PIGL: variants seen among roughly 807,000 people sequenced by gnomAD.
The protein encoded by PIGL is N-acetylglucosaminyl-phosphatidylinositol de-N-acetylase.
In PIGL, 22 loss-of-function variants were observed where a neutral mutation model predicts 31.1. The observed-to-expected ratio is 0.71, with a 90% CI of 0.51 to 1.01. The LOEUF (loss-of-function observed/expected upper bound fraction) is 1.01, where lower values mean the gene tolerates loss of function less well. PIGL is among the 50% of genes least tolerant of loss of function. The pLI is 0.00. For missense variants in PIGL, 302 were observed against 315.9 expected (o/e 0.96, Z 0.33); for synonymous variants, 131 against 117.4 (o/e 1.12, Z -0.75).
chr17:16,269,520 A>C (rs1322456263), intron 2 of PIGL, among the ~76,000 whole-genome samples: 1 of 152,030 alleles, frequency 6.6e-6, no homozygotes, highest in Admixed American at 6.6e-5. Context: ...GTGTGTTGGC[A>C]TGTGCCGGTA....
intron 2 of PIGL, among the ~76,000 whole-genome samples, chr17:16,299,542 A>G (rs537667300): frequency 8.5e-4 from 130 of 152,316 alleles, no homozygotes; most frequent in African/African-American, 3.1e-3. Context: ...TTAAAGTACT[A>G]TTACTAATAT....
chr17:16,287,124 T>C (rs1389798123), intron 2 of PIGL, among the ~76,000 whole-genome samples: 1 of 152,182 alleles, frequency 6.6e-6, no homozygotes, highest in Non-Finnish European at 1.5e-5. Context: ...CAGATGCCTT[T>C]CTCCAGCCAT....
At chr17:16,274,647 C>T (rs565780776) in intron 2 of PIGL, among the ~76,000 whole-genome samples, 5 of 151,692 alleles carry the variant, frequency 3.3e-5, no homozygotes, top group African/African-American at 9.7e-5. Flanking sequence ...CGCTTGAACC[C>T]GGGAGGCAGA....
chr17:16,284,817 C>G (rs117501212), intron 2 of PIGL, among the ~76,000 whole-genome samples: 1 of 152,236 alleles, frequency 6.6e-6, no homozygotes, highest in East Asian at 1.9e-4. Flanking sequence ...AATAATACTC[C>G]GGTCTCCATT....
chr17:16,231,393 C>G, intron 1 of PIGL, among the ~76,000 whole-genome samples: 1 of 151,682 alleles, frequency 6.6e-6, no homozygotes, highest in Non-Finnish European at 1.5e-5. Context: ...AGCCACCATG[C>G]CCAGCTAATT....
chr17:16,271,809 C>G (rs917586440), intron 2 of PIGL, among the ~76,000 whole-genome samples: 1 of 152,164 alleles, frequency 6.6e-6, no homozygotes, highest in Non-Finnish European at 1.5e-5. Context: ...GGATTACAGG[C>G]GTGAACCACT....
chr17:16,234,151 T>C, intron 2 of PIGL, 81 bp downstream of exon 2: 1 of 773,776 alleles, frequency 1.3e-6, no homozygotes. Context: ...AAAAAACTAA[T>C]GTGAGTGGCT....
intron 2 of PIGL, among the ~76,000 whole-genome samples, chr17:16,238,992 C>T (rs2092711609): frequency 6.7e-6 from 1 of 149,082 alleles, no homozygotes; most frequent in South Asian, 2.1e-4. Flanking sequence ...ATCCATCCGC[C>T]TTGGCCTCCC....
At chr17:16,263,522 T>C (rs1480684550) in intron 2 of PIGL, among the ~76,000 whole-genome samples, 1 of 151,254 alleles carries the variant, frequency 6.6e-6, no homozygotes, top group Non-Finnish European at 1.5e-5. Context: ...TGTTTAGGTT[T>C]TTTTTTGTTT....
chr17:16,301,955 C>A (rs1220109507), intron 3 of PIGL, among the ~76,000 whole-genome samples: 1 of 152,044 alleles, frequency 6.6e-6, no homozygotes, highest in Non-Finnish European at 1.5e-5. Context: ...CCCTCATTGG[C>A]CTCCCAAAGC....
chr17:16,323,495 A>C (rs2093114462), intron 6 of PIGL, among the ~76,000 whole-genome samples: 1 of 151,778 alleles, frequency 6.6e-6, no homozygotes, highest in Admixed American at 6.6e-5. Context: ...CAACCTCCCA[A>C]AGTGGTGAGA....
chr17:16,303,672 G>A (rs1380080255), intron 3 of PIGL, among the ~76,000 whole-genome samples: 1 of 151,512 alleles, frequency 6.6e-6, no homozygotes, highest in Non-Finnish European at 1.5e-5. Context: ...CTGAGTAGCT[G>A]GGACTACAGG....
At chr17:16,266,522 C>T (rs942423142) in intron 2 of PIGL, among the ~76,000 whole-genome samples, 3 of 152,094 alleles carry the variant, frequency 2.0e-5, no homozygotes, top group Admixed American at 2.0e-4. Context: ...CATCACCAGC[C>T]TCTTATGTTG....
At chr17:16,312,385 T>G (rs1280541494) in intron 3 of PIGL, 1 of 160,194 alleles carries the variant, frequency 6.2e-6, no homozygotes, top group Non-Finnish European at 1.3e-5. Flanking sequence ...GAGGCGCTCC[T>G]CACTTCCTAG....
At chr17:16,291,303 T>C (rs1246880713) in intron 2 of PIGL, among the ~76,000 whole-genome samples, 1 of 151,480 alleles carries the variant, frequency 6.6e-6, no homozygotes, top group Non-Finnish European at 1.5e-5. Flanking sequence ...GGTCGGGAGT[T>C]TGAGAACAGC....
chr17:16,319,139 C>T (rs1292066377), intron 6 of PIGL, among the ~76,000 whole-genome samples: 1 of 137,586 alleles, frequency 7.3e-6, no homozygotes, highest in Non-Finnish European at 1.5e-5. Flanking sequence ...GCAGGAGGAT[C>T]ACTTGAGCCC....
intron 6 of PIGL, among the ~76,000 whole-genome samples, chr17:16,323,643 C>T (rs1338250091): frequency 5.9e-5 from 8 of 134,592 alleles, no homozygotes; most frequent in South Asian, 2.4e-4. Flanking sequence ...GACAGAGTCT[C>T]GCTCTGTTGC....
At chr17:16,278,229 T>C (rs2092903536) in intron 2 of PIGL, among the ~76,000 whole-genome samples, 1 of 152,160 alleles carries the variant, frequency 6.6e-6, no homozygotes, top group Non-Finnish European at 1.5e-5. Flanking sequence ...CTAATTTTTG[T>C]ATTTTTAGTA....
Position 16,317,788 on chromosome 17 carries a change from C to T in PIGL, c.540C>T (p.Leu180=), listed in dbSNP as rs115695383. 6.2e-6 allele frequency: 10 copies of T among 1,613,920 alleles called. No homozygotes were observed. The East Asian group carries it at 2.0e-4, about 32-fold the overall frequency. Reference sequence around the variant, plus strand: ...CTCTCCATCCAGGGTGCTCTGTGCTCACGCTTCAGTCTGTGAATGTGCTGC... The same window carrying T: ...CTCTCCATCCAGGGTGCTCTGTGCTTACGCTTCAGTCTGTGAATGTGCTGC... The part of the protein sequence containing the change: ...EGKLPKGCSV[L]TLQSVNVLRK... The change falls in exon 6 of 7, where the codon CTC becomes CTT. Residue 180 remains leucine (L), a synonymous_variant. Transcript: ENST00000225609.
Sources: allele counts gnomAD v4.1 joint callset (sites outside exome capture counted in the v4.1 genomes callset), GRCh38; gene constraint gnomAD v4.1.1; transcripts MANE v1.5; gene names NCBI Gene and HGNC (gene_info 2026-07-23, HGNC 2026-07-21).